The following NRXN1 variants were observed in gnomAD, a reference collection of about 807,000 sequenced individuals.
NRXN1 encodes neurexin 1, also known as neurexin-1.
In NRXN1, 39 loss-of-function variants were observed where a neutral mutation model predicts 150.9. That is an observed-to-expected ratio of 0.26 (90% CI 0.20 to 0.34). NRXN1 has a LOEUF of 0.34. NRXN1 is among the 10% of genes least tolerant of loss of function. The pLI is 1.00. For missense variants in NRXN1, 1,815 were observed against 1,949.9 expected, an observed-to-expected ratio of 0.93 and a Z score of 1.30; for synonymous variants, 924 against 757.0, an observed-to-expected ratio of 1.22 and a Z score of -3.62.
chr2:50,690,177 T>C (rs1189293288), intron 5 of NRXN1, among the ~76,000 whole-genome samples: 7 of 152,196 alleles, frequency 4.6e-5, no homozygotes, highest in Admixed American at 4.6e-4. Flanking sequence ...CAGAATGCCG[T>C]GATGTCAACA....
At chr2:50,631,923 A>G (rs560666387) in intron 5 of NRXN1, among the ~76,000 whole-genome samples, 1 of 152,096 alleles carries the variant, frequency 6.6e-6, no homozygotes, top group South Asian at 2.1e-4. Flanking sequence ...AAAATCATTA[A>G]CACAATCAAA....
intron 18 of NRXN1, among the ~76,000 whole-genome samples, chr2:50,229,899 G>T (rs939508887): frequency 3.3e-5 from 5 of 152,130 alleles, no homozygotes; most frequent in African/African-American, 1.2e-4. Flanking sequence ...TCCTTGTTTT[G>T]ACAGCTTGGC....
chr2:50,671,697 T>A (rs1236914576), intron 5 of NRXN1, among the ~76,000 whole-genome samples: 1 of 151,844 alleles, frequency 6.6e-6, no homozygotes. Flanking sequence ...AGTACAACAG[T>A]AAAGAATTAA....
At chr2:50,102,544 A>G (rs921959278) in intron 18 of NRXN1, among the ~76,000 whole-genome samples, 1 of 152,054 alleles carries the variant, frequency 6.6e-6, no homozygotes, top group African/African-American at 2.4e-5. Context: ...AACAAACCAG[A>G]TGGTGCTGCT....
intron 21 of NRXN1, among the ~76,000 whole-genome samples, chr2:49,951,028 C>T (rs1053761992): frequency 6.6e-6 from 1 of 151,838 alleles, no homozygotes; most frequent in Non-Finnish European, 1.5e-5. Flanking sequence ...GCAATGGTTC[C>T]AGAACCACTA....
At chr2:50,700,112 CTT>C (rs1454938280) in intron 5 of NRXN1, among the ~76,000 whole-genome samples, 1 of 152,148 alleles carries the variant, frequency 6.6e-6, no homozygotes, top group African/African-American at 2.4e-5. Context: ...ATAAAGGACT[CTT>C]TGCAAGGTTT....
chr2:50,316,077 CAG>C (rs1259881484), intron 17 of NRXN1, among the ~76,000 whole-genome samples: 1 of 152,036 alleles, frequency 6.6e-6, no homozygotes, highest in African/African-American at 2.4e-5. Flanking sequence ...TATGGAGAAA[CAG>C]AGCCTTCTTC....
chr2:50,753,374 G>T (rs983820131), intron 5 of NRXN1, among the ~76,000 whole-genome samples: 1 of 151,822 alleles, frequency 6.6e-6, no homozygotes, highest in African/African-American at 2.4e-5. Flanking sequence ...GTTGAACTAG[G>T]AAGGCTCCTA....
At chr2:50,550,668 TTTTTA>T (rs1360733185) in intron 9 of NRXN1, among the ~76,000 whole-genome samples, 3 of 150,058 alleles carry the variant, frequency 2.0e-5, no homozygotes, top group African/African-American at 7.4e-5. Flanking sequence ...TCTCAGCTTA[TTTTTA>T]TTTTTATTTT....
At chr2:50,065,432 C>T (rs1460500591) in intron 19 of NRXN1, among the ~76,000 whole-genome samples, 2 of 152,142 alleles carry the variant, frequency 1.3e-5, no homozygotes, top group South Asian at 4.1e-4. Context: ...CCTTATAGCA[C>T]TCTTTTGTAT....
chr2:50,442,097 A>ATAG (rs1558738969), intron 17 of NRXN1, among the ~76,000 whole-genome samples: 1 of 152,176 alleles, frequency 6.6e-6, no homozygotes. Flanking sequence ...CATAATTGTT[A>ATAG]TGAACAAGTA....
At chr2:50,901,957 T>C (rs536087524) in intron 5 of NRXN1, among the ~76,000 whole-genome samples, 2 of 152,344 alleles carry the variant, frequency 1.3e-5, no homozygotes, top group East Asian at 3.9e-4. Flanking sequence ...TATGCTGTCC[T>C]TCCATATTAA....
chr2:49,933,853 G>C (rs1211574977), intron 22 of NRXN1, among the ~76,000 whole-genome samples: 6 of 152,310 alleles, frequency 3.9e-5, no homozygotes, highest in African/African-American at 1.4e-4. Flanking sequence ...GTCTCAATCA[G>C]CTGTGGCAGT....
intron 17 of NRXN1, among the ~76,000 whole-genome samples, chr2:50,261,131 T>G (rs1390027579): frequency 1.3e-5 from 2 of 151,882 alleles, no homozygotes; most frequent in East Asian, 3.9e-4. Flanking sequence ...TTCTTCTAAA[T>G]TGCAAATCTT....
chr2:50,895,779 C>G (rs56065374), intron 5 of NRXN1, among the ~76,000 whole-genome samples: 5,211 of 151,880 alleles, frequency 0.034, 158 homozygotes, highest in East Asian at 0.077. Context: ...GGGGTTTCAC[C>G]ATGTCAGCCA....
chr2:50,193,551 C>T (rs569127947), intron 18 of NRXN1, among the ~76,000 whole-genome samples: 2 of 152,122 alleles, frequency 1.3e-5, no homozygotes, highest in Non-Finnish European at 2.9e-5. Context: ...TTCTCTTCTG[C>T]TCTCTCTCCT....
chr2:50,296,534 T>TATC (rs1553401502), intron 17 of NRXN1, among the ~76,000 whole-genome samples: 7 of 150,870 alleles, frequency 4.6e-5, no homozygotes, highest in African/African-American at 1.7e-4. Flanking sequence ...TTATTATTAT[T>TATC]ATCATTATTA....
chr2:50,734,940 G>A (rs1005063146), intron 5 of NRXN1, among the ~76,000 whole-genome samples: 3 of 152,090 alleles, frequency 2.0e-5, no homozygotes, highest in African/African-American at 7.2e-5. Context: ...CTTTTAATAT[G>A]CACCAAGACC....
rs150071740 is a variant in NRXN1 at position 50,096,253 on chromosome 2, A to G, written c.3547-4759T>C. Among the ~76,000 whole-genome samples the G allele has an allele frequency of 3.0e-3, 451 of 152,320 alleles. 3 individuals are homozygous for G. The highest frequency in any genetic ancestry group is 0.01 in the African/African-American group (427 of 41,562). On this transcript the variant is annotated intron_variant, in intron 18 of 22. Transcript: ENST00000401669. ...CGCCAAAGAGTTTTCCCTGAAAACA[A>G]TAAATTTAAAATACACATAAAGCAC...
Sources: gnomAD v4.1 joint callset for allele counts (sites outside exome capture counted in the v4.1 genomes callset) on GRCh38, gnomAD v4.1.1 for gene constraint, MANE v1.5 for transcripts, NCBI Gene and HGNC (gene_info 2026-07-23, HGNC 2026-07-21) for gene names.